The following NACC1 variants were observed in gnomAD, a reference collection of about 807,000 sequenced individuals.
NACC1 encodes the protein nucleus accumbens associated 1.
In NACC1, 6 loss-of-function variants were observed where a neutral mutation model predicts 41.7. The observed-to-expected ratio is 0.14, with a 90% CI of 0.08 to 0.28. NACC1 has a LOEUF of 0.28. Among genes scored for constraint, NACC1 ranks in the 10% least tolerant of loss-of-function variants. The pLI, the probability that NACC1 is intolerant of heterozygous loss-of-function variation, is 1.00. For missense variants in NACC1, 434 were observed against 763.7 expected (o/e 0.57, Z 5.09); for synonymous variants, 338 against 330.6 (o/e 1.02, Z -0.24).
chr19:13,137,610 C>T lies in NACC1; in HGVS notation c.1324+35C>T, dbSNP rs1018301095. The T allele has an allele frequency of 1.4e-5, 22 of 1,519,648 alleles. No individual in the cohort carries two copies. The highest frequency in any genetic ancestry group is 2.2e-4 in the Middle Eastern group (1 of 4,606). 94.1% of individuals were successfully genotyped at this position (1,519,648 alleles called of 1,614,324 possible). On this transcript the variant is annotated intron_variant, in intron 5 of 5. Coordinates refer to ENST00000292431, the MANE Select transcript of NACC1 (RefSeq NM_052876.4). The surrounding 1 kb of genome is among the most constrained non-coding windows in gnomAD (Gnocchi z 6.1). ...GGCCCAGCTGGACGAGGCGTGGGCCCGGGGCACGCAGGTTGACGTTTTTTC... is the reference window on the plus strand; with the variant it reads ...GGCCCAGCTGGACGAGGCGTGGGCCTGGGGCACGCAGGTTGACGTTTTTTC...
chr19:13,117,617 G>A (rs2019407493), upstream of NACC1: 1 of 143,694 alleles, frequency 7.0e-6, no homozygotes, highest in Admixed American at 7.1e-5. Context: ...GCAGTGGCAT[G>A]ATCTCGGCTC....
At position 13,137,420 on chromosome 19, in the gene NACC1, C is replaced by G. The variant is rs777735101; in HGVS notation, c.1226+44C>G. ...CCCCAGGGAGGGGGGTGGGGTTTCC[C>G]CATGTCCCCCCCACCACCAACTTGA... On this transcript the variant is annotated intron_variant, in intron 4 of 5. Transcript: ENST00000292431. The surrounding 1 kb of genome is among the most constrained non-coding windows in gnomAD (Gnocchi z 6.1). The G allele has an allele frequency of 1.2e-6, 2 of 1,609,976 alleles. No homozygotes were observed. Among genetic ancestry groups the G allele is most frequent in the East Asian group, 2.3e-5 (1 of 44,314 alleles).
chr19:13,136,616 T>A lies in NACC1; in HGVS notation c.1120+211T>A, dbSNP rs2019710533. The stretch of plus-strand genomic sequence containing the variant: ...GCCTCTAGGTTTCTGGCTTAAGGGG[T>A]CGGGGCGAGCATTGGCTATTATTGT... On this transcript the variant is annotated intron_variant, in intron 3 of 5. Coordinates refer to ENST00000292431, the MANE Select transcript of NACC1 (RefSeq NM_052876.4). This position sits in a 1 kb window ranked among gnomAD's most constrained non-coding sequence, Gnocchi z 5.5. 6.6e-6 allele frequency among the ~76,000 whole-genome samples: 1 copy of A among 151,998 alleles called. No homozygotes were observed. Among genetic ancestry groups the A allele is most frequent in the South Asian group, 2.1e-4 (1 of 4,820 alleles).
intron 1 of NACC1, among the ~76,000 whole-genome samples, chr19:13,127,693 GA>G (rs71168659): frequency 0.19 from 28,380 of 146,658 alleles, 2,921 homozygotes; most frequent in African/African-American, 0.21. Context: ...AAAAAAAAAA[GA>G]AAAAAAAAAA....
At chr19:13,125,907 T>A (rs1372554465) in intron 1 of NACC1, among the ~76,000 whole-genome samples, 1 of 151,830 alleles carries the variant, frequency 6.6e-6, no homozygotes, top group Non-Finnish European at 1.5e-5. Flanking sequence ...CAGCTAATTT[T>A]TGTATTTTTA....
At chr19:13,117,365 T>G (rs556098838), upstream of NACC1, 43 of 152,286 alleles carry the variant, frequency 2.8e-4, 1 homozygote, top group African/African-American at 1.0e-3. Flanking sequence ...GTTACTGGGT[T>G]GTAGTGAGAA....
Position 13,139,771 on chromosome 19 carries a change from GC to G in NACC1, c.*1368del, listed in dbSNP as rs2019761371. On this transcript the variant is annotated 3_prime_UTR_variant, in exon 6 of 6. Coordinates refer to ENST00000292431, the MANE Select transcript of NACC1 (RefSeq NM_052876.4). ...TTACCATTCCTCTCTTTTTGTTCTCGCCCAGAGTGGGTGGTTTTTTGTTGTT... is the reference window on the plus strand; with the variant it reads ...TTACCATTCCTCTCTTTTTGTTCTCGCCAGAGTGGGTGGTTTTTTGTTGTT... 1 of 152,546 alleles carries G rather than the reference GC, an allele frequency of 6.6e-6. No individual in the cohort carries two copies. The highest frequency in any genetic ancestry group is 1.9e-4 in the East Asian group (1 of 5,186). The allele number at this position is 152,546 out of a possible 1,614,324, so 9.4% of individuals were successfully genotyped here.
rs201757007 is a variant in NACC1 at position 13,135,688 on chromosome 19, C to T, written c.481C>T (p.Pro161Ser). ...CTGGCCAGCCTGTAGCACCCCGCTG[C>T]CCCTCGTGTCGCGGGTGAAGACGGA... is the stretch of plus-strand genomic sequence containing the variant. ...SGWPACSTPL[P>S]LVSRVKTEQQ... is the part of the protein sequence containing the mutation. The change falls in exon 2 of 6, where the codon CCC becomes TCC. Residue 161 changes from proline to serine, a missense_variant. Transcript: ENST00000292431. The T allele has an allele frequency of 1.6e-4, 242 of 1,553,946 alleles. No individual in the cohort carries two copies. In the African/African-American group the frequency reaches 3.0e-3, roughly 19 times the overall value.
intron 1 of NACC1, 144 bp downstream of exon 1, chr19:13,118,598 G>A (rs2019439011): frequency 6.6e-6 from 1 of 151,836 alleles, no homozygotes; most frequent in South Asian, 2.1e-4. Flanking sequence ...GCGAGTGTGT[G>A]GAGGCCCAGC....
intron 1 of NACC1, among the ~76,000 whole-genome samples, chr19:13,118,734 G>A (rs1330091793): frequency 2.7e-5 from 4 of 150,500 alleles, no homozygotes; most frequent in Non-Finnish European, 4.4e-5. Flanking sequence ...AGGTACCGGG[G>A]ATCCGGGGAA....
Position 13,126,048 on chromosome 19 carries a change from C to CT in NACC1, c.-9+7609dup, listed in dbSNP as rs79360796. Among the ~76,000 whole-genome samples the CT allele has an allele frequency of 1.6e-3, 231 of 140,906 alleles. 1 individual carries two copies. Among genetic ancestry groups the CT allele is most frequent in the South Asian group, 2.3e-3 (10 of 4,390 alleles). 92.4% of individuals were successfully genotyped at this position (140,906 alleles called of 152,430 possible). On this transcript the variant is annotated intron_variant, in intron 1 of 5. Coordinates refer to ENST00000292431, the MANE Select transcript of NACC1 (RefSeq NM_052876.4). ...CACCATACCTGGCTGAAAGGCCTAACTTTTTTTTTTTTTTTAGACGGAGTC... is the reference window on the plus strand; with the variant it reads ...CACCATACCTGGCTGAAAGGCCTAACTTTTTTTTTTTTTTTTAGACGGAGTC...
rs376533294 is a variant in NACC1 at position 13,135,237 on chromosome 19, G to A, written c.30G>A (p.Pro10=). 11 of 1,610,870 alleles carry A rather than the reference G, an allele frequency of 6.8e-6. No individual in the cohort carries two copies. Among genetic ancestry groups the A allele is most frequent in the East Asian group, 6.7e-5 (3 of 44,704 alleles). ...CCCAGACACTGCAGATGGAGATCCC[G>A]AACTTCGGCAACAGCATCCTGGAGT... is the stretch of plus-strand genomic sequence containing the variant. MAQTLQMEI[P]NFGNSILECL... The change falls in exon 2 of 6, where the codon CCG becomes CCA. Residue 10 remains proline, a synonymous_variant. Transcript: ENST00000292431.
At position 13,139,825 on chromosome 19, in the gene NACC1, T is replaced by C. The variant is rs1284641244; in HGVS notation, c.*1419T>C. 1.3e-5 allele frequency: 2 copies of C among 152,002 alleles called. No homozygotes were observed. The highest frequency in any genetic ancestry group is 2.9e-5 in the Non-Finnish European group (2 of 67,988). 9.4% of individuals were successfully genotyped at this position (152,002 alleles called of 1,614,324 possible). On this transcript the variant is annotated 3_prime_UTR_variant, in exon 6 of 6. Coordinates refer to ENST00000292431, the MANE Select transcript of NACC1 (RefSeq NM_052876.4). Reference sequence around the variant, plus strand: ...TTTAGATTTTCATGTGAAGGCAGTTTTTTTTCTTTTTTAACTCCCCATCCC... The same window carrying C: ...TTTAGATTTTCATGTGAAGGCAGTTCTTTTTCTTTTTTAACTCCCCATCCC...
Position 13,135,603 on chromosome 19 carries a change from C to T in NACC1, c.396C>T (p.Gly132=). Reference sequence around the variant, plus strand: ...GCTCCCCGAGCTGCGACTCCCAGGGCCTGCATGCGGAGGAGGCCCCATCGT... The same window carrying T: ...GCTCCCCGAGCTGCGACTCCCAGGGTCTGCATGCGGAGGAGGCCCCATCGT... ...KVSSPSCDSQ[G]LHAEEAPSSE... The change falls in exon 2 of 6, where the codon GGC becomes GGT. Residue 132 remains glycine (G), a synonymous_variant. Coordinates refer to ENST00000292431, the MANE Select transcript of NACC1 (RefSeq NM_052876.4). The T allele has an allele frequency of 6.3e-7, 1 of 1,590,016 alleles. No individual in the cohort carries two copies. Among genetic ancestry groups the T allele is most frequent in the Non-Finnish European group, 8.5e-7 (1 of 1,170,400 alleles).
chr19:13,131,202 G>A (rs575280972), intron 1 of NACC1, among the ~76,000 whole-genome samples: 17 of 152,314 alleles, frequency 1.1e-4, no homozygotes, highest in Admixed American at 8.5e-4. Context: ...CTCCCACAAA[G>A]GAGGATGCAG....
At position 13,138,591 on chromosome 19, in the gene NACC1, A is replaced by T. The variant is rs902094318; in HGVS notation, c.*185A>T. ...GAGAGCTGGGCCGGGAGAGGACCGC[A>T]GGGCAGGTGGCGTGAGGTCCGTGTT... On this transcript the variant is annotated 3_prime_UTR_variant, in exon 6 of 6. Transcript: ENST00000292431. This position sits in a 1 kb window ranked among gnomAD's most constrained non-coding sequence, Gnocchi z 5.7. 1 of 885,392 alleles carries T rather than the reference A, an allele frequency of 1.1e-6. No individual in the cohort carries two copies. Among genetic ancestry groups the T allele is most frequent in the South Asian group, 1.7e-5 (1 of 57,716 alleles). 54.8% of individuals were successfully genotyped at this position (885,392 alleles called of 1,614,324 possible).
rs193135104 is a variant in NACC1 at position 13,124,676 on chromosome 19, T to C, written c.-9+6222T>C. ...TCCAGCCACATCCTGCTGAGCTGCA[T>C]GAAGGACTGTGGGGCTCTCTGGGGC... On this transcript the variant is annotated intron_variant, in intron 1 of 5. Transcript: ENST00000292431. Among the ~76,000 whole-genome samples, 461 of 152,338 alleles carry C rather than the reference T, an allele frequency of 3.0e-3. 1 individual carries two copies. The highest frequency in any genetic ancestry group is 5.5e-3 in the Non-Finnish European group (377 of 68,032).
At chr19:13,119,625 G>C (rs143190964) in intron 1 of NACC1, among the ~76,000 whole-genome samples, 292 of 152,330 alleles carry the variant, frequency 1.9e-3, no homozygotes, top group Non-Finnish European at 3.3e-3. Flanking sequence ...CCTTGAGCCT[G>C]AGTTCTGTGT....
intron 1 of NACC1, among the ~76,000 whole-genome samples, chr19:13,123,699 T>C (rs535937966): frequency 2.0e-4 from 31 of 152,310 alleles, no homozygotes; most frequent in African/African-American, 7.2e-4. Flanking sequence ...AGCTCTGGGC[T>C]CGGCCGGTCC....
Sources: allele counts gnomAD v4.1 joint callset (sites outside exome capture counted in the v4.1 genomes callset), GRCh38; gene constraint gnomAD v4.1.1; non-coding constraint Gnocchi (gnomAD v3.1); transcripts MANE v1.5; gene names NCBI Gene and HGNC (gene_info 2026-07-23, HGNC 2026-07-21).